The following CRIPT variants were observed in gnomAD, a reference collection of about 807,000 sequenced individuals.
CRIPT encodes the protein CXXC repeat containing interactor of PDZ3 domain.
Under a neutral mutation model 16.6 loss-of-function variants are expected in CRIPT, and 20 were observed. That is an observed-to-expected ratio of 1.20 (90% confidence interval 0.85 to 1.75). The LOEUF (loss-of-function observed/expected upper bound fraction) is 1.75. Among genes scored for constraint, CRIPT ranks in the 40% most tolerant of loss-of-function variants. The pLI is 0.00. For missense variants in CRIPT, 133 were observed against 115.3 expected (o/e 1.15, Z -0.70); for synonymous variants, 42 against 37.0 (o/e 1.14, Z -0.49).
At position 46,629,904 on chromosome 2, in the gene CRIPT, A is replaced by G. The variant is rs1671029688; in HGVS notation, c.*5677A>G. ...CCTTTGACGATTCTTGTCTGAATAA[A>G]TTTTTACTAGGATGTTTCCAAAATT... On this transcript the variant is annotated 3_prime_UTR_variant, in exon 5 of 5. Transcript: ENST00000238892. Among the ~76,000 whole-genome samples, 1 of 152,140 alleles carries G rather than the reference A, an allele frequency of 6.6e-6. No homozygotes were observed. The highest frequency in any genetic ancestry group is 6.5e-5 in the Admixed American group (1 of 15,278).
At chr2:46,619,366 T>C (rs920613100) in intron 2 of CRIPT, among the ~76,000 whole-genome samples, 4 of 151,908 alleles carry the variant, frequency 2.6e-5, no homozygotes, top group African/African-American at 9.7e-5. Flanking sequence ...CTAGATTTTA[T>C]GCTATATAGA....
At position 46,629,147 on chromosome 2, in the gene CRIPT, G is replaced by A. The variant is rs1267962554; in HGVS notation, c.*4920G>A. ...ATGTGGAAAACACAGGAAGCTAATA[G>A]TACTGTTTTTCTCTGGAGTGGGTGT... On this transcript the variant is annotated 3_prime_UTR_variant, in exon 5 of 5. Transcript: ENST00000238892. 6.6e-6 allele frequency among the ~76,000 whole-genome samples: 1 copy of A among 152,214 alleles called. No individual in the cohort carries two copies. The highest frequency in any genetic ancestry group is 1.5e-5 in the Non-Finnish European group (1 of 68,036).
At chr2:46,622,308 T>C (rs1054877261) in intron 3 of CRIPT, among the ~76,000 whole-genome samples, 1 of 149,534 alleles carries the variant, frequency 6.7e-6, no homozygotes, top group African/African-American at 2.5e-5. Flanking sequence ...AGGCAGAGCT[T>C]GCAGTGAGCC....
At chr2:46,621,408 C>T (rs1277975683) in intron 3 of CRIPT, among the ~76,000 whole-genome samples, 2 of 152,190 alleles carry the variant, frequency 1.3e-5, no homozygotes, top group African/African-American at 4.8e-5. Context: ...CTGCCTCCTT[C>T]TTGCTGTTTG....
At chr2:46,620,397 A>G (rs1670772052) in intron 3 of CRIPT, among the ~76,000 whole-genome samples, 1 of 151,128 alleles carries the variant, frequency 6.6e-6, no homozygotes, top group African/African-American at 2.5e-5. Context: ...GCAGTGAGCC[A>G]GGATCGCACT....
Position 46,624,359 on chromosome 2 carries a change from T to C in CRIPT, c.*132T>C. 2.1e-6 allele frequency: 1 copy of C among 481,572 alleles called. No individual in the cohort carries two copies. The highest frequency in any genetic ancestry group is 3.5e-6 in the Non-Finnish European group (1 of 284,318). The allele number at this position is 481,572 out of a possible 1,614,324, so 29.8% of individuals were successfully genotyped here. ...TTAAACCAGAGAATTTGATTGTTACTCATTTTGCTCTCATGTTCTAAACAG... is the reference window on the plus strand; with the variant it reads ...TTAAACCAGAGAATTTGATTGTTACCCATTTTGCTCTCATGTTCTAAACAG... On this transcript the variant is annotated 3_prime_UTR_variant, in exon 5 of 5. Transcript: ENST00000238892.
chr2:46,629,960 TATTA>T lies in CRIPT; in HGVS notation c.*5738_*5741del, dbSNP rs779392612. 1.3e-5 allele frequency among the ~76,000 whole-genome samples: 2 copies of T among 152,216 alleles called. No homozygotes were observed. Among genetic ancestry groups the T allele is most frequent in the Non-Finnish European group, 2.9e-5 (2 of 68,032 alleles). ...TGTTCTAACTCTATTATTATTTCTGTATTAATTAGTCATCATTCTACTGTAAGGA... is the reference window on the plus strand; with the variant it reads ...TGTTCTAACTCTATTATTATTTCTGTATTAGTCATCATTCTACTGTAAGGA... On this transcript the variant is annotated 3_prime_UTR_variant, in exon 5 of 5. Coordinates refer to ENST00000238892, the MANE Select transcript of CRIPT (RefSeq NM_014171.6).
rs1019124605 is a variant in CRIPT at position 46,628,643 on chromosome 2, G to T, written c.*4416G>T. Among the ~76,000 whole-genome samples the T allele has an allele frequency of 6.6e-6, 1 of 152,134 alleles. No homozygotes were observed. Among genetic ancestry groups the T allele is most frequent in the African/African-American group, 2.4e-5 (1 of 41,412 alleles). ...TTTGAGTAGCCTCCTTCCATGAATGGATCATCCAGTGGCCGCACTTAGGTT... is the reference window on the plus strand; with the variant it reads ...TTTGAGTAGCCTCCTTCCATGAATGTATCATCCAGTGGCCGCACTTAGGTT... On this transcript the variant is annotated 3_prime_UTR_variant, in exon 5 of 5. Coordinates refer to ENST00000238892, the MANE Select transcript of CRIPT (RefSeq NM_014171.6).
rs111261981 is a variant in CRIPT at position 46,617,255 on chromosome 2, G to T, written c.-28G>T. ...TCAGCCTGCTGCTGCTGCTGCTGTT[G>T]CGGCTAGGGGAACCGTCGTGGGGAA... is the stretch of plus-strand genomic sequence containing the variant. On this transcript the variant is annotated 5_prime_UTR_variant, in exon 1 of 5. Coordinates refer to ENST00000238892, the MANE Select transcript of CRIPT (RefSeq NM_014171.6). The T allele has an allele frequency of 1.7e-5, 26 of 1,553,744 alleles. No individual in the cohort carries two copies. The highest frequency in any genetic ancestry group is 2.7e-5 in the African/African-American group (2 of 73,506).
rs1230404543 is a variant in CRIPT at position 46,628,575 on chromosome 2, C to G, written c.*4348C>G. Among the ~76,000 whole-genome samples the G allele has an allele frequency of 6.6e-6, 1 of 152,140 alleles. No individual in the cohort carries two copies. The highest frequency in any genetic ancestry group is 1.5e-5 in the Non-Finnish European group (1 of 68,026). On this transcript the variant is annotated 3_prime_UTR_variant, in exon 5 of 5. Transcript: ENST00000238892. Reference sequence around the variant, plus strand: ...TTGTGTCATCTCTGATTTCTTTCAGCGTGTTTTGTAGTTCTTGTCCAGCTC... The same window carrying G: ...TTGTGTCATCTCTGATTTCTTTCAGGGTGTTTTGTAGTTCTTGTCCAGCTC...
At position 46,626,918 on chromosome 2, in the gene CRIPT, C is replaced by T. The variant is rs546660950; in HGVS notation, c.*2691C>T. Among the ~76,000 whole-genome samples, 3 of 152,204 alleles carry T rather than the reference C, an allele frequency of 2.0e-5. No individual in the cohort carries two copies. The East Asian group carries it at 5.8e-4, about 29-fold the overall frequency. On this transcript the variant is annotated 3_prime_UTR_variant, in exon 5 of 5. Transcript: ENST00000238892. ...CACCATCTCAGCTCACTGCAACCTC[C>T]ACCTCCCGGGTTCAAGCGATTCTCC... is the stretch of plus-strand genomic sequence containing the variant.
At chr2:46,621,381 C>T (rs541861992) in intron 3 of CRIPT, among the ~76,000 whole-genome samples, 4 of 152,264 alleles carry the variant, frequency 2.6e-5, no homozygotes, top group Non-Finnish European at 5.9e-5. Flanking sequence ...AGGAGTCTTC[C>T]GTTAGAGCTT....
In CRIPT at chr2:46,629,176, G is replaced by T. The variant is rs1366424868; in HGVS notation, c.*4949G>T. On this transcript the variant is annotated 3_prime_UTR_variant, in exon 5 of 5. Coordinates refer to ENST00000238892, the MANE Select transcript of CRIPT (RefSeq NM_014171.6). ...TGTTTTTCTCTGGAGTGGGTGTAAG[G>T]GTAGAGACTTAACTCTTTACATCCT... Among the ~76,000 whole-genome samples, 1 of 152,156 alleles carries T rather than the reference G, an allele frequency of 6.6e-6. No homozygotes were observed. The highest frequency in any genetic ancestry group is 1.9e-4 in the East Asian group (1 of 5,198).
chr2:46,619,390 C>T (rs1262845556), intron 2 of CRIPT, among the ~76,000 whole-genome samples: 1 of 151,718 alleles, frequency 6.6e-6, no homozygotes, highest in Non-Finnish European at 1.5e-5. Flanking sequence ...AATATAGACC[C>T]ATTCCTAAAG....
At chr2:46,622,220 A>G (rs1670821116) in intron 3 of CRIPT, among the ~76,000 whole-genome samples, 1 of 151,912 alleles carries the variant, frequency 6.6e-6, no homozygotes, top group African/African-American at 2.4e-5. Context: ...ATACAAAAAA[A>G]TTAGCCGGGC....
intron 3 of CRIPT, among the ~76,000 whole-genome samples, chr2:46,620,288 GAC>G (rs1670768290): frequency 1.3e-5 from 2 of 152,054 alleles, no homozygotes; most frequent in African/African-American, 4.8e-5. Flanking sequence ...TCCTACAAAG[GAC>G]AGAAAAATTA....
At position 46,629,032 on chromosome 2, in the gene CRIPT, C is replaced by T. The variant is rs542670085; in HGVS notation, c.*4805C>T. Among the ~76,000 whole-genome samples the T allele has an allele frequency of 6.6e-6, 1 of 152,264 alleles. No individual in the cohort carries two copies. Among genetic ancestry groups the T allele is most frequent in the East Asian group, 1.9e-4 (1 of 5,186 alleles). On this transcript the variant is annotated 3_prime_UTR_variant, in exon 5 of 5. Transcript: ENST00000238892. ...ACTAGAAACAAATGCCAATAGAACA[C>T]TTAAGTACATTTTATATATTCATCC...
Position 46,619,760 on chromosome 2 carries a change from C to T in CRIPT, c.137+79C>T, listed in dbSNP as rs762058556. On this transcript the variant is annotated intron_variant, in intron 3 of 4. Coordinates refer to ENST00000238892, the MANE Select transcript of CRIPT (RefSeq NM_014171.6). ...AGTCTGCTGGAGTGAATTTGATGTGCATCATTCCATTTGCAATAAAACAGA... is the reference window on the plus strand; with the variant it reads ...AGTCTGCTGGAGTGAATTTGATGTGTATCATTCCATTTGCAATAAAACAGA... 114 of 1,075,702 alleles carry T rather than the reference C, an allele frequency of 1.1e-4. No individual in the cohort carries two copies. The Middle Eastern group carries it at 1.4e-3, about 13-fold the overall frequency. 66.6% of individuals were successfully genotyped at this position (1,075,702 alleles called of 1,614,324 possible). A position where few individuals can be genotyped will look rare whatever the true frequency, so the allele number is the denominator to read the frequency against.
At chr2:46,617,644 A>G (rs1670697646) in intron 1 of CRIPT, among the ~76,000 whole-genome samples, 1 of 152,138 alleles carries the variant, frequency 6.6e-6, no homozygotes, top group Non-Finnish European at 1.5e-5. Context: ...TATTCATGTA[A>G]GAAGTATTGT....
Sources: allele counts gnomAD v4.1 joint callset (sites outside exome capture counted in the v4.1 genomes callset), GRCh38; gene constraint gnomAD v4.1.1; transcripts MANE v1.5; gene names NCBI Gene and HGNC (gene_info 2026-07-23, HGNC 2026-07-21).